The following CLTB variants were observed in gnomAD, a reference collection of about 807,000 sequenced individuals.
The protein encoded by CLTB is clathrin light chain B.
Under a neutral mutation model 30.5 loss-of-function variants are expected in CLTB, and 10 were observed. That is an observed-to-expected ratio of 0.33 (90% CI 0.20 to 0.56). The LOEUF is 0.56. Among genes scored for constraint, CLTB ranks in the 20% least tolerant of loss-of-function variants. The pLI is 0.91. For synonymous variants in CLTB, 102 were observed against 120.3 expected (o/e 0.85, Z 1.00); for missense variants, 261 against 308.3 (o/e 0.85, Z 1.15).
chr5:176,403,721 G>C (rs1756957837), intron 2 of CLTB, among the ~76,000 whole-genome samples: 1 of 151,318 alleles, frequency 6.6e-6, no homozygotes, highest in South Asian at 2.1e-4. Context: ...CAAAGTGCTG[G>C]GATTACAGGC....
intron 2 of CLTB, among the ~76,000 whole-genome samples, chr5:176,400,286 T>C (rs78933493): frequency 0.033 from 5,082 of 152,224 alleles, 278 homozygotes; most frequent in African/African-American, 0.12. Flanking sequence ...ACTATAATAT[T>C]TGTGAGATAT....
intron 2 of CLTB, among the ~76,000 whole-genome samples, chr5:176,400,772 G>A (rs536310858): frequency 6.6e-6 from 1 of 152,144 alleles, no homozygotes; most frequent in Non-Finnish European, 1.5e-5. Context: ...CTCCACACAG[G>A]AGTGTCTGGC....
At chr5:176,401,852 C>A in intron 2 of CLTB, 1 of 444,424 alleles carries the variant, frequency 2.3e-6, no homozygotes, top group African/African-American at 2.0e-5. Context: ...AAGTCATCAG[C>A]AGGGCCTGTC....
intron 1 of CLTB, among the ~76,000 whole-genome samples, chr5:176,414,432 CTTTT>C (rs59452988): frequency 3.7e-5 from 5 of 134,690 alleles, no homozygotes; most frequent in African/African-American, 8.5e-5. Flanking sequence ...GCTATAGAAT[CTTTT>C]TTTTTTTTTT....
At chr5:176,411,563 C>T (rs1204836121) in intron 1 of CLTB, among the ~76,000 whole-genome samples, 1 of 152,212 alleles carries the variant, frequency 6.6e-6, no homozygotes, top group Non-Finnish European at 1.5e-5. Context: ...AGCGCACTTA[C>T]TACAGCCTGC....
At chr5:176,400,457 G>A (rs1195142725) in intron 2 of CLTB, among the ~76,000 whole-genome samples, 1 of 152,120 alleles carries the variant, frequency 6.6e-6, no homozygotes, top group Non-Finnish European at 1.5e-5. Flanking sequence ...CTGACTCCCA[G>A]GCAGGGGCTC....
intron 2 of CLTB, chr5:176,407,430 A>T (rs533166478): frequency 6.6e-6 from 1 of 152,294 alleles, no homozygotes; most frequent in South Asian, 2.1e-4. Flanking sequence ...CAGCCTCCTG[A>T]GTAGCTGGGA....
Position 176,393,346 on chromosome 5 carries a change from G to T in CLTB, c.519-401C>A, listed in dbSNP as rs1756343376. Among the ~76,000 whole-genome samples, 1 of 152,172 alleles carries T rather than the reference G, an allele frequency of 6.6e-6. No homozygotes were observed. The highest frequency in any genetic ancestry group is 2.4e-5 in the African/African-American group (1 of 41,438). Reference sequence around the variant, plus strand: ...GAGGTCCTAGGACGACCTAATGCAGGACCTTAGCTATTTCACCATTTCCAA... The same window carrying T: ...GAGGTCCTAGGACGACCTAATGCAGTACCTTAGCTATTTCACCATTTCCAA... On this transcript the variant is annotated intron_variant, in intron 5 of 5. Transcript: ENST00000310418. The surrounding 1 kb of genome is among the most constrained non-coding windows in gnomAD (Gnocchi z 4.4).
rs772894711 is a variant in CLTB, at chr5:176,392,961, G to A, written c.519-16C>T. On this transcript the variant is annotated splice_polypyrimidine_tract_variant and intron_variant, in intron 5 of 5. Coordinates refer to ENST00000310418, the MANE Select transcript of CLTB (RefSeq NM_007097.5). The surrounding 1 kb of genome is among the most constrained non-coding windows in gnomAD (Gnocchi z 5.2). ...CTCGGATGCCCTGCGGGTGGAGATA[G>A]GACGGGCTTTTATAGCAGTCTGCTT... 50 of 1,613,888 alleles carry A rather than the reference G, an allele frequency of 3.1e-5. No homozygotes were observed. The Middle Eastern group carries it at 1.6e-3, about 53-fold the overall frequency.
At position 176,392,813 on chromosome 5, in the gene CLTB, C is replaced by G. The variant is rs764888931; in HGVS notation, c.651G>C (p.Ser217=). The G allele has an allele frequency of 3.0e-5, 49 of 1,614,110 alleles. No homozygotes were observed. Among genetic ancestry groups the G allele is most frequent in the Non-Finnish European group, 3.8e-5 (45 of 1,180,050 alleles). ...KQCKDVSRLR[S]VLMSLKQTPL... ...GCGTCTGCTTCAGGGACATGAGCAC[C>G]GAGCGCAGGCGGGACACATCTTTGC... The change falls in exon 6 of 6, where the codon TCG becomes TCC. Residue 217 remains serine (S), a synonymous_variant. Coordinates refer to ENST00000310418, the MANE Select transcript of CLTB (RefSeq NM_007097.5). This position sits in a 1 kb window ranked among gnomAD's most constrained non-coding sequence, Gnocchi z 5.2.
rs1561804522 is a variant in CLTB, at chr5:176,416,391, G to T, written c.-28C>A. 1 of 1,573,858 alleles carries T rather than the reference G, an allele frequency of 6.4e-7. No individual in the cohort carries two copies. Among genetic ancestry groups the T allele is most frequent in the South Asian group, 1.1e-5 (1 of 87,122 alleles). On this transcript the variant is annotated 5_prime_UTR_variant, in exon 1 of 6. Transcript: ENST00000310418. ...TCCCCGCGCCTCCGCCGGAGCCTCC[G>T]CTGCGCTCGGCTCTGCCCGCGCCTG...
At chr5:176,404,883 C>T (rs1373641340) in intron 2 of CLTB, among the ~76,000 whole-genome samples, 1 of 152,232 alleles carries the variant, frequency 6.6e-6, no homozygotes, top group Non-Finnish European at 1.5e-5. Context: ...GAACCCCCTG[C>T]CAGTGTCCCC....
intron 1 of CLTB, among the ~76,000 whole-genome samples, chr5:176,413,066 C>T (rs1757528591): frequency 6.6e-6 from 1 of 152,212 alleles, no homozygotes; most frequent in African/African-American, 2.4e-5. Context: ...GAGTGTTCCT[C>T]TGGACATGCA....
At chr5:176,397,896 C>G in intron 3 of CLTB, 34 bp downstream of exon 3, 1 of 1,588,102 alleles carries the variant, frequency 6.3e-7, no homozygotes, top group South Asian at 1.1e-5. Flanking sequence ...ACACACAGCC[C>G]ACCCAGCCAA....
chr5:176,397,863 G>C, intron 3 of CLTB, 67 bp downstream of exon 3: 7 of 1,493,796 alleles, frequency 4.7e-6, no homozygotes, highest in Non-Finnish European at 6.5e-6. Flanking sequence ...CATGCACTCC[G>C]AGGACTCCCC....
At chr5:176,397,432 C>T (rs1374926395) in intron 4 of CLTB, among the ~76,000 whole-genome samples, 175 bp downstream of exon 4, 2 of 145,106 alleles carry the variant, frequency 1.4e-5, no homozygotes, top group African/African-American at 5.2e-5. Flanking sequence ...CCACAGCTCC[C>T]TCATGTCCCC....
At chr5:176,402,285 G>A (rs554449032) in intron 2 of CLTB, among the ~76,000 whole-genome samples, 4 of 152,322 alleles carry the variant, frequency 2.6e-5, no homozygotes, top group East Asian at 3.9e-4. Flanking sequence ...GTAACAGAGC[G>A]AGACTCTGTC....
intron 5 of CLTB, 63 bp downstream of exon 5, chr5:176,396,416 A>C (rs770692413): frequency 7.1e-5 from 100 of 1,400,888 alleles, no homozygotes; most frequent in Non-Finnish European, 9.9e-5. Flanking sequence ...CAGGAAACTC[A>C]AGAAACTGTG....
chr5:176,409,053 C>T (rs948738496), intron 2 of CLTB, among the ~76,000 whole-genome samples: 5 of 151,838 alleles, frequency 3.3e-5, no homozygotes, highest in Admixed American at 1.3e-4. Flanking sequence ...CTCGGCTCAC[C>T]GCAACCTCCC....
Sources: allele counts gnomAD v4.1 joint callset (sites outside exome capture counted in the v4.1 genomes callset), GRCh38; gene constraint gnomAD v4.1.1; non-coding constraint Gnocchi (gnomAD v3.1); transcripts MANE v1.5; gene names NCBI Gene and HGNC (gene_info 2026-07-23, HGNC 2026-07-21).